The following JAKMIP1 variants were observed in gnomAD, a reference collection of about 807,000 sequenced individuals.
JAKMIP1 encodes the protein janus kinase and microtubule-interacting protein 1.
Under a neutral mutation model 113.0 loss-of-function variants are expected in JAKMIP1, and 33 were observed. The ratio of observed to expected loss-of-function variants is 0.29; its 90% CI spans 0.22 to 0.39. The LOEUF is 0.39. Ranked by LOEUF, JAKMIP1 falls within the 10% of genes least tolerant of loss-of-function variation. JAKMIP1 has a pLI of 1.00. For missense variants in JAKMIP1, 813 were observed against 1,080.5 expected, an observed-to-expected ratio of 0.75 and a Z score of 3.47; for synonymous variants, 480 against 459.9, an observed-to-expected ratio of 1.04 and a Z score of -0.56.
At chr4:6,115,717 TG>T (rs1715645674) in intron 1 of JAKMIP1, among the ~76,000 whole-genome samples, 1 of 152,246 alleles carries the variant, frequency 6.6e-6, no homozygotes, top group South Asian at 2.1e-4. Context: ...CGTTTTGTTT[TG>T]TTTTTTAAGA....
At chr4:6,198,536 C>A (rs939748696) in intron 1 of JAKMIP1, among the ~76,000 whole-genome samples, 3 of 152,154 alleles carry the variant, frequency 2.0e-5, no homozygotes, top group Non-Finnish European at 2.9e-5. Context: ...TGGGTCCACA[C>A]TGTGAGCCTT....
intron 8 of JAKMIP1, among the ~76,000 whole-genome samples, chr4:6,072,149 A>T (rs1176569041): frequency 6.6e-6 from 1 of 152,196 alleles, no homozygotes; most frequent in East Asian, 1.9e-4. Context: ...CATAATTAGG[A>T]CTATTCCCCT....
At chr4:6,169,324 G>T (rs930389047) in intron 1 of JAKMIP1, among the ~76,000 whole-genome samples, 1 of 152,060 alleles carries the variant, frequency 6.6e-6, no homozygotes, top group African/African-American at 2.4e-5. Flanking sequence ...AGTACAGCTG[G>T]GGTCCTTATA....
intron 1 of JAKMIP1, among the ~76,000 whole-genome samples, chr4:6,172,356 C>A (rs529609747): frequency 6.6e-6 from 1 of 152,306 alleles, no homozygotes; most frequent in South Asian, 2.1e-4. Flanking sequence ...TAATAAATCC[C>A]AGCTGCAGAA....
intron 19 of JAKMIP1, among the ~76,000 whole-genome samples, chr4:6,035,689 G>A (rs1713324551): frequency 6.6e-6 from 1 of 152,246 alleles, no homozygotes; most frequent in South Asian, 2.1e-4. Context: ...ATGTTTCAGC[G>A]TTTGCTCTTT....
At position 6,155,976 on chromosome 4, in the gene JAKMIP1, G is replaced by A. The variant is rs1478383678; in HGVS notation, c.-147-42979C>T. On this transcript the variant is annotated intron_variant, in intron 1 of 20. Coordinates refer to ENST00000409021, the MANE Select transcript of JAKMIP1 (RefSeq NM_001099433.2). The surrounding 1 kb of genome is among the most constrained non-coding windows in gnomAD (Gnocchi z 6.1). ...ATATCTACTGCCACGGAAAGGGTCA[G>A]CTCTGTGACTTCTGTCCGTGGTGGG... is the stretch of plus-strand genomic sequence containing the variant. Among the ~76,000 whole-genome samples the A allele has an allele frequency of 6.6e-6, 1 of 152,232 alleles. No individual in the cohort carries two copies.
rs968451229 is a variant in JAKMIP1 at position 6,183,806 on chromosome 4, G to C, written c.-148+16447C>G. ...AGCTTTGTGCAGGGCTTGGGGGACAGCCTCTCCTGTCATCTCCAGTGAAAT... is the reference window on the plus strand; with the variant it reads ...AGCTTTGTGCAGGGCTTGGGGGACACCCTCTCCTGTCATCTCCAGTGAAAT... On this transcript the variant is annotated intron_variant, in intron 1 of 20. Coordinates refer to ENST00000409021, the MANE Select transcript of JAKMIP1 (RefSeq NM_001099433.2). The surrounding 1 kb of genome is among the most constrained non-coding windows in gnomAD (Gnocchi z 5.3). 2.0e-5 allele frequency among the ~76,000 whole-genome samples: 3 copies of C among 152,182 alleles called. No homozygotes were observed. Among genetic ancestry groups the C allele is most frequent in the African/African-American group, 7.2e-5 (3 of 41,428 alleles).
rs1221058771 is a variant in JAKMIP1, at chr4:6,065,199, C to T, written c.1303-191G>A. ...AAGGTGGCAGCAGGTGGCGGATGAC[C>T]CTAGGGTTTACAGCCTGAGCGAGCT... On this transcript the variant is annotated intron_variant, in intron 8 of 20. Transcript: ENST00000409021. This position sits in a 1 kb window ranked among gnomAD's most constrained non-coding sequence, Gnocchi z 5.1. Among the ~76,000 whole-genome samples the T allele has an allele frequency of 6.6e-6, 1 of 152,156 alleles. No individual in the cohort carries two copies. Among genetic ancestry groups the T allele is most frequent in the Non-Finnish European group, 1.5e-5 (1 of 68,034 alleles).
At position 6,140,008 on chromosome 4, in the gene JAKMIP1, C is replaced by A. The variant is rs1391041290; in HGVS notation, c.-147-27011G>T. 6.6e-6 allele frequency among the ~76,000 whole-genome samples: 1 copy of A among 152,092 alleles called. No individual in the cohort carries two copies. The highest frequency in any genetic ancestry group is 1.5e-5 in the Non-Finnish European group (1 of 68,032). ...CCACGCCTGGATCTCAGACTTCCAG[C>A]CTCCAGAACTAAGAGACCATCCGTT... On this transcript the variant is annotated intron_variant, in intron 1 of 20. Transcript: ENST00000409021. The surrounding 1 kb of genome is among the most constrained non-coding windows in gnomAD (Gnocchi z 9.4).
intron 1 of JAKMIP1, among the ~76,000 whole-genome samples, chr4:6,177,703 C>G (rs1725519205): frequency 6.6e-6 from 1 of 152,164 alleles, no homozygotes; most frequent in Non-Finnish European, 1.5e-5. Flanking sequence ...CAGATCATAG[C>G]CATACTAATA....
In JAKMIP1 at chr4:6,176,913, GT is replaced by G. The variant is rs1377916777; in HGVS notation, c.-148+23339del. ...CCAGGCATGGTGGCATGTGCCTGTAGTCTCAGCTACTGGGGAGGCTGAGGTG... is the reference window on the plus strand; with the variant it reads ...CCAGGCATGGTGGCATGTGCCTGTAGCTCAGCTACTGGGGAGGCTGAGGTG... On this transcript the variant is annotated intron_variant, in intron 1 of 20. Coordinates refer to ENST00000409021, the MANE Select transcript of JAKMIP1 (RefSeq NM_001099433.2). The surrounding 1 kb of genome is among the most constrained non-coding windows in gnomAD (Gnocchi z 5.5). Among the ~76,000 whole-genome samples, 4 of 152,212 alleles carry G rather than the reference GT, an allele frequency of 2.6e-5. No homozygotes were observed. The highest frequency in any genetic ancestry group is 4.4e-5 in the Non-Finnish European group (3 of 68,046).
rs191867862 is a variant in JAKMIP1 at position 6,167,969 on chromosome 4, C to T, written c.-148+32284G>A. On this transcript the variant is annotated intron_variant, in intron 1 of 20. Coordinates refer to ENST00000409021, the MANE Select transcript of JAKMIP1 (RefSeq NM_001099433.2). This position sits in a 1 kb window ranked among gnomAD's most constrained non-coding sequence, Gnocchi z 5.3. ...GACAGCATGCAGACAATGAGGAGTC[C>T]GCCCATCCTCCACATCACCCGGTGT... 2.6e-5 allele frequency among the ~76,000 whole-genome samples: 4 copies of T among 152,272 alleles called. No individual in the cohort carries two copies. Among genetic ancestry groups the T allele is most frequent in the East Asian group, 1.9e-4 (1 of 5,186 alleles).
rs76396169 is a variant in JAKMIP1 at position 6,134,759 on chromosome 4, T to C, written c.-147-21762A>G. 5.5e-3 allele frequency among the ~76,000 whole-genome samples: 842 copies of C among 152,324 alleles called. 5 individuals are homozygous for C. The highest frequency in any genetic ancestry group is 0.013 in the South Asian group (64 of 4,824). On this transcript the variant is annotated intron_variant, in intron 1 of 20. Transcript: ENST00000409021. ...TGGACTCAATCTGTCCACACGATGG[T>C]GCCACAATGCCCTCTTTCACACATG...
Position 6,153,366 on chromosome 4 carries a change from G to A in JAKMIP1, c.-147-40369C>T, listed in dbSNP as rs1294220314. ...AGCCACGCTGAGCATCAGGAGCCCT[G>A]GGATTTGAAGCCCCTTCTTCTCTCC... is the stretch of plus-strand genomic sequence containing the variant. On this transcript the variant is annotated intron_variant, in intron 1 of 20. Transcript: ENST00000409021. This position sits in a 1 kb window ranked among gnomAD's most constrained non-coding sequence, Gnocchi z 4.9. Among the ~76,000 whole-genome samples, 1 of 152,212 alleles carries A rather than the reference G, an allele frequency of 6.6e-6. No homozygotes were observed. The highest frequency in any genetic ancestry group is 2.4e-5 in the African/African-American group (1 of 41,464).
rs1361913367 is a variant in JAKMIP1 at position 6,043,728 on chromosome 4, TC to T, written c.2029-1502del. Reference sequence around the variant, plus strand: ...AGCCCCCAGGTTCATATCTGAATCCTCCCCACACACCCCAAATTCCTTTCTG... The same window carrying T: ...AGCCCCCAGGTTCATATCTGAATCCTCCCACACACCCCAAATTCCTTTCTG... On this transcript the variant is annotated intron_variant, in intron 16 of 20. Coordinates refer to ENST00000409021, the MANE Select transcript of JAKMIP1 (RefSeq NM_001099433.2). Among the ~76,000 whole-genome samples, 3 of 86,116 alleles carry T rather than the reference TC, an allele frequency of 3.5e-5. No individual in the cohort carries two copies. In the South Asian group the frequency reaches 1.1e-3, roughly 31 times the overall value. The allele number at this position is 86,116 out of a possible 152,430, so 56.5% of individuals were successfully genotyped here. A position where few individuals can be genotyped will look rare whatever the true frequency, so the allele number is the denominator to read the frequency against.
intron 8 of JAKMIP1, among the ~76,000 whole-genome samples, chr4:6,075,399 T>G (rs1719565078): frequency 6.6e-6 from 1 of 152,152 alleles, no homozygotes; most frequent in Admixed American, 6.5e-5. Flanking sequence ...TGGGCCCCGA[T>G]GGATCCAAGT....
rs937585258 is a variant in JAKMIP1, at chr4:6,139,041, G to A, written c.-147-26044C>T. On this transcript the variant is annotated intron_variant, in intron 1 of 20. Coordinates refer to ENST00000409021, the MANE Select transcript of JAKMIP1 (RefSeq NM_001099433.2). The surrounding 1 kb of genome is among the most constrained non-coding windows in gnomAD (Gnocchi z 5.2). ...TTAGTCAAGCTGTTATTGTTTGCAT[G>A]TGACATCATTAGAAACACACACACA... 2.0e-5 allele frequency among the ~76,000 whole-genome samples: 3 copies of A among 148,028 alleles called. No individual in the cohort carries two copies. Among genetic ancestry groups the A allele is most frequent in the African/African-American group, 7.5e-5 (3 of 39,914 alleles).
rs569639455 is a variant in JAKMIP1, at chr4:6,141,232, T to G, written c.-147-28235A>C. On this transcript the variant is annotated intron_variant, in intron 1 of 20. Transcript: ENST00000409021. This position sits in a 1 kb window ranked among gnomAD's most constrained non-coding sequence, Gnocchi z 9.4. ...AGGCAGATCACTTGAGCCCAGGAAT[T>G]CGAGACCAGCCTGGCCAACATGGCG... 4.6e-4 allele frequency among the ~76,000 whole-genome samples: 70 copies of G among 152,254 alleles called. 2 individuals carry two copies. The highest frequency in any genetic ancestry group is 1.6e-3 in the African/African-American group (65 of 41,522).
chr4:6,160,216 G>A (rs527369125), intron 1 of JAKMIP1, among the ~76,000 whole-genome samples: 16 of 152,310 alleles, frequency 1.1e-4, no homozygotes, highest in African/African-American at 3.8e-4. Flanking sequence ...CACCCAGCAG[G>A]TGAAAGTCAA....
Sources: allele counts gnomAD v4.1 joint callset (sites outside exome capture counted in the v4.1 genomes callset), GRCh38; gene constraint gnomAD v4.1.1; non-coding constraint Gnocchi (gnomAD v3.1); transcripts MANE v1.5; gene names NCBI Gene and HGNC (gene_info 2026-07-23, HGNC 2026-07-21).